The following ADGRB3 variants were observed in gnomAD, a reference collection of about 807,000 sequenced individuals.
ADGRB3 encodes the protein adhesion G protein-coupled receptor B3, also known as brain-specific angiogenesis inhibitor 3.
A neutral mutation model predicts 193.4 loss-of-function variants in ADGRB3; 37 were observed. The ratio of observed to expected loss-of-function variants is 0.19; its 90% CI spans 0.15 to 0.25. The LOEUF (loss-of-function observed/expected upper bound fraction) is 0.25. Ranked by LOEUF, ADGRB3 falls within the 10% of genes least tolerant of loss-of-function variation. ADGRB3 has a pLI of 1.00. For missense variants in ADGRB3, 1,637 were observed against 1,852.9 expected (o/e 0.88, Z 2.14); for synonymous variants, 690 against 644.2 (o/e 1.07, Z -1.08).
chr6:68,718,248 T>G (rs1218042830), intron 3 of ADGRB3, among the ~76,000 whole-genome samples: 1 of 151,736 alleles, frequency 6.6e-6, no homozygotes, highest in Non-Finnish European at 1.5e-5. Context: ...CAATGTTTGC[T>G]CAAAATGGAG....
chr6:69,132,576 G>T (rs1034455213), intron 17 of ADGRB3, among the ~76,000 whole-genome samples: 4 of 152,100 alleles, frequency 2.6e-5, no homozygotes, highest in Admixed American at 6.6e-5. Context: ...TCTGTAGGCT[G>T]CCTGTCCACT....
chr6:68,810,364 A>G (rs968627735), intron 3 of ADGRB3, among the ~76,000 whole-genome samples: 1 of 152,212 alleles, frequency 6.6e-6, no homozygotes, highest in Non-Finnish European at 1.5e-5. Flanking sequence ...GGACACTATC[A>G]ACAATGGCCA....
intron 3 of ADGRB3, among the ~76,000 whole-genome samples, chr6:68,868,951 G>GTGTT (rs781022363): frequency 0.031 from 4,627 of 150,268 alleles, 102 homozygotes; most frequent in Non-Finnish European, 0.043. Flanking sequence ...GAGTGTGTGT[G>GTGTT]TTTAAACTTA....
chr6:69,288,008 C>G (rs955510947), intron 20 of ADGRB3, among the ~76,000 whole-genome samples: 22 of 152,102 alleles, frequency 1.4e-4, no homozygotes, highest in African/African-American at 4.1e-4. Flanking sequence ...GTGACTAGAA[C>G]ATGCAGTAGC....
chr6:68,721,305 G>T (rs1187297370), intron 3 of ADGRB3, among the ~76,000 whole-genome samples: 2 of 151,784 alleles, frequency 1.3e-5, no homozygotes, highest in Non-Finnish European at 2.9e-5. Context: ...CATAAAAAAG[G>T]ATGAGTTCAC....
intron 20 of ADGRB3, among the ~76,000 whole-genome samples, chr6:69,315,221 A>G (rs1768286469): frequency 6.6e-6 from 1 of 151,568 alleles, no homozygotes; most frequent in Admixed American, 6.6e-5. Context: ...TATAGTGGAA[A>G]GAGCACATGT....
At chr6:69,258,509 G>A (rs1239009542) in intron 20 of ADGRB3, among the ~76,000 whole-genome samples, 5 of 152,202 alleles carry the variant, frequency 3.3e-5, no homozygotes, top group South Asian at 4.1e-4. Context: ...GGGAAAAACT[G>A]CAAATTCGTT....
intron 3 of ADGRB3, among the ~76,000 whole-genome samples, chr6:68,842,712 CA>C (rs532650223): frequency 1.3e-5 from 2 of 151,270 alleles, no homozygotes; most frequent in Non-Finnish European, 3.0e-5. Context: ...AAAGACATAT[CA>C]AAAAAAAGAA....
intron 3 of ADGRB3, among the ~76,000 whole-genome samples, chr6:68,647,710 C>T (rs1768249504): frequency 6.6e-6 from 1 of 152,150 alleles, no homozygotes; most frequent in African/African-American, 2.4e-5. Flanking sequence ...TGCTGATCGG[C>T]AGCAAAGCTA....
chr6:68,994,927 A>G (rs1461850323), intron 11 of ADGRB3, among the ~76,000 whole-genome samples: 1 of 152,114 alleles, frequency 6.6e-6, no homozygotes, highest in African/African-American at 2.4e-5. Flanking sequence ...GAAAGAGGAA[A>G]ACAAGACTTT....
intron 8 of ADGRB3, among the ~76,000 whole-genome samples, chr6:68,963,530 T>A (rs1371940935): frequency 1.3e-5 from 2 of 152,288 alleles, no homozygotes; most frequent in South Asian, 2.1e-4. Context: ...TGTTATCTCA[T>A]CCTACTCATT....
intron 13 of ADGRB3, among the ~76,000 whole-genome samples, chr6:69,039,130 C>A (rs1167194639): frequency 2.6e-5 from 4 of 151,926 alleles, no homozygotes; most frequent in Admixed American, 2.6e-4. Context: ...TTGTGTAAAA[C>A]CCTTATTTTA....
chr6:69,213,512 C>G (rs928315251), intron 17 of ADGRB3, among the ~76,000 whole-genome samples: 1 of 152,152 alleles, frequency 6.6e-6, no homozygotes, highest in Non-Finnish European at 1.5e-5. Context: ...GGAGAACATT[C>G]TCTTGCTATA....
chr6:68,788,702 G>C (rs1767029737), intron 3 of ADGRB3, among the ~76,000 whole-genome samples: 1 of 152,090 alleles, frequency 6.6e-6, no homozygotes. Flanking sequence ...CAATTCCTGG[G>C]TATCCTTGTT....
intron 20 of ADGRB3, among the ~76,000 whole-genome samples, chr6:69,292,968 T>G (rs1329790736): frequency 6.6e-6 from 1 of 150,826 alleles, no homozygotes; most frequent in African/African-American, 2.4e-5. Flanking sequence ...GCATCTCCTC[T>G]GTGATTCTGG....
At chr6:68,670,449 A>T (rs1768923643) in intron 3 of ADGRB3, among the ~76,000 whole-genome samples, 1 of 151,878 alleles carries the variant, frequency 6.6e-6, no homozygotes, top group Admixed American at 6.6e-5. Context: ...TTTATACTTG[A>T]TGAGAGACAG....
chr6:68,706,732 G>A (rs766949984), intron 3 of ADGRB3, among the ~76,000 whole-genome samples: 1 of 152,220 alleles, frequency 6.6e-6, no homozygotes, highest in African/African-American at 2.4e-5. Context: ...AAATGTTAGT[G>A]TTACTACAGG....
At chr6:68,969,960 T>C (rs1422152345) in intron 8 of ADGRB3, among the ~76,000 whole-genome samples, 1 of 152,212 alleles carries the variant, frequency 6.6e-6, no homozygotes, top group Admixed American at 6.5e-5. Context: ...ATGGCCTCTC[T>C]CACCAGACCA....
intron 6 of ADGRB3, among the ~76,000 whole-genome samples, chr6:68,945,199 C>A (rs112892378): frequency 1.3e-4 from 19 of 152,000 alleles, no homozygotes; most frequent in African/African-American, 4.6e-4. Context: ...TACTTAATGA[C>A]TAGAATTAAA....
Sources: allele counts gnomAD v4.1 joint callset (sites outside exome capture counted in the v4.1 genomes callset), GRCh38; gene constraint gnomAD v4.1.1; transcripts MANE v1.5; gene names NCBI Gene and HGNC (gene_info 2026-07-23, HGNC 2026-07-21).